Variants in GPC6 observed in about 807,000 individuals in gnomAD.
GPC6 encodes the protein glypican-6.
In GPC6, 14 loss-of-function variants were observed where a neutral mutation model predicts 55.2. That is an observed-to-expected ratio of 0.25 (90% CI 0.17 to 0.40). The LOEUF (loss-of-function observed/expected upper bound fraction) is 0.40, where lower values mean the gene tolerates loss of function less well. GPC6 is among the 10% of genes least tolerant of loss of function. GPC6 has a pLI of 1.00. For synonymous variants in GPC6, 278 were observed against 259.6 expected, an observed-to-expected ratio of 1.07 and a Z score of -0.68; for missense variants, 641 against 708.5, an observed-to-expected ratio of 0.90 and a Z score of 1.08.
chr13:93,717,098 A>G (rs1883276897), intron 2 of GPC6, among the ~76,000 whole-genome samples: 1 of 151,602 alleles, frequency 6.6e-6, no homozygotes. Context: ...AGAATCACCT[A>G]AGGATGCATT....
At chr13:94,156,824 G>C (rs1431897974) in intron 4 of GPC6, among the ~76,000 whole-genome samples, 1 of 152,136 alleles carries the variant, frequency 6.6e-6, no homozygotes, top group African/African-American at 2.4e-5. Context: ...ATATTTTTCT[G>C]GTGCCTCTCA....
intron 1 of GPC6, among the ~76,000 whole-genome samples, chr13:93,457,226 A>G (rs1277996378): frequency 6.6e-6 from 1 of 152,150 alleles, no homozygotes; most frequent in Non-Finnish European, 1.5e-5. Flanking sequence ...TTCTCCCTCT[A>G]TGTGTGTCTG....
intron 4 of GPC6, among the ~76,000 whole-genome samples, chr13:94,247,574 G>A (rs982058160): frequency 2.0e-5 from 3 of 152,020 alleles, no homozygotes; most frequent in Non-Finnish European, 4.4e-5. Context: ...GTTGAACTTT[G>A]TTACATATTT....
chr13:93,711,766 A>G (rs1302757964), intron 2 of GPC6, among the ~76,000 whole-genome samples: 1 of 151,786 alleles, frequency 6.6e-6, no homozygotes, highest in Non-Finnish European at 1.5e-5. Context: ...TACTGGCAGG[A>G]CATCTTCCTT....
At chr13:94,247,773 T>C (rs1371837930) in intron 4 of GPC6, among the ~76,000 whole-genome samples, 4 of 152,158 alleles carry the variant, frequency 2.6e-5, no homozygotes, top group African/African-American at 9.6e-5. Context: ...TGAGAATTTT[T>C]GTATCAGTGC....
At chr13:94,194,871 GTGTT>G (rs1256150916) in intron 4 of GPC6, among the ~76,000 whole-genome samples, 1 of 151,988 alleles carries the variant, frequency 6.6e-6, no homozygotes, top group Non-Finnish European at 1.5e-5. Context: ...ATGTGTGTGT[GTGTT>G]TGTGTGTGTG....
chr13:93,781,267 T>G (rs1265530011), intron 2 of GPC6, among the ~76,000 whole-genome samples: 10 of 134,574 alleles, frequency 7.4e-5, no homozygotes, highest in Non-Finnish European at 1.1e-4. Context: ...AGAGTGAGAC[T>G]CCATCTCCGA....
chr13:94,230,233 A>C (rs1890681121), intron 4 of GPC6, among the ~76,000 whole-genome samples: 1 of 152,120 alleles, frequency 6.6e-6, no homozygotes, highest in Non-Finnish European at 1.5e-5. Context: ...GGAATTCTGG[A>C]ACTGCTCTTC....
At chr13:93,692,441 G>A (rs1882291923) in intron 2 of GPC6, among the ~76,000 whole-genome samples, 1 of 152,004 alleles carries the variant, frequency 6.6e-6, no homozygotes, top group Admixed American at 6.6e-5. Context: ...CAGTTACATT[G>A]ACAATGAAAT....
chr13:93,570,275 T>C (rs1013434412), intron 2 of GPC6, among the ~76,000 whole-genome samples: 2 of 152,332 alleles, frequency 1.3e-5, no homozygotes, highest in Admixed American at 6.5e-5. Context: ...GTTAAATGTA[T>C]GCACATGAAT....
intron 3 of GPC6, among the ~76,000 whole-genome samples, chr13:93,836,648 A>G (rs1270930932): frequency 3.3e-5 from 5 of 152,180 alleles, no homozygotes; most frequent in African/African-American, 1.2e-4. Flanking sequence ...ACAACTTTTA[A>G]ATCAGCATAA....
chr13:94,106,361 T>C (rs1886054327), intron 4 of GPC6, among the ~76,000 whole-genome samples: 1 of 152,222 alleles, frequency 6.6e-6, no homozygotes, highest in African/African-American at 2.4e-5. Flanking sequence ...AAAGTTTCTC[T>C]ACATTATGAA....
rs145449614 is a variant in GPC6, at chr13:94,060,779, T to C, written c.877+32885T>C. 3.7e-3 allele frequency among the ~76,000 whole-genome samples: 564 copies of C among 152,278 alleles called. 6 individuals are homozygous for C. Among genetic ancestry groups the C allele is most frequent in the African/African-American group, 0.012 (496 of 41,556 alleles). On this transcript the variant is annotated intron_variant, in intron 4 of 8. Coordinates refer to ENST00000377047, the MANE Select transcript of GPC6 (RefSeq NM_005708.5). ...AAAGCCTAATATTTAGGGGTAATAA[T>C]AGAGTCAAGTGTCTTCCTGGGAGTG... is the stretch of plus-strand genomic sequence containing the variant.
Position 93,550,373 on chromosome 13 carries a change from G to A in GPC6, c.319+4952G>A, listed in dbSNP as rs183291607. On this transcript the variant is annotated intron_variant, in intron 2 of 8. Transcript: ENST00000377047. Reference sequence around the variant, plus strand: ...TGAAGTTTTTTGTTTATGTGTTCTTGGTCTTATTATTTTACTTTCCTTCCT... The same window carrying A: ...TGAAGTTTTTTGTTTATGTGTTCTTAGTCTTATTATTTTACTTTCCTTCCT... Among the ~76,000 whole-genome samples, 390 of 151,938 alleles carry A rather than the reference G, an allele frequency of 2.6e-3. 1 individual carries two copies. Among genetic ancestry groups the A allele is most frequent in the African/African-American group, 9.1e-3 (377 of 41,468 alleles).
At chr13:94,005,694 G>C (rs1881989757) in intron 3 of GPC6, among the ~76,000 whole-genome samples, 1 of 152,102 alleles carries the variant, frequency 6.6e-6, no homozygotes, top group South Asian at 2.1e-4. Context: ...ATTCTAAAGT[G>C]TTGGCCAAAA....
chr13:93,794,422 A>G (rs1192023376), intron 2 of GPC6, among the ~76,000 whole-genome samples: 1 of 152,212 alleles, frequency 6.6e-6, no homozygotes, highest in African/African-American at 2.4e-5. Context: ...ATTCTGACCA[A>G]GTTTGAGAAT....
At chr13:94,396,273 G>A (rs1880893685) in intron 7 of GPC6, among the ~76,000 whole-genome samples, 1 of 152,188 alleles carries the variant, frequency 6.6e-6, no homozygotes, top group Non-Finnish European at 1.5e-5. Flanking sequence ...CCAGGACACA[G>A]ACAAATATAG....
At chr13:93,268,576 C>T (rs1413899861) in intron 1 of GPC6, among the ~76,000 whole-genome samples, 1 of 151,960 alleles carries the variant, frequency 6.6e-6, no homozygotes, top group African/African-American at 2.4e-5. Flanking sequence ...GACCAATTCT[C>T]GGTGAATTTA....
chr13:93,686,410 A>G (rs1882047436), intron 2 of GPC6, among the ~76,000 whole-genome samples: 1 of 152,066 alleles, frequency 6.6e-6, no homozygotes, highest in African/African-American at 2.4e-5. Context: ...CTGTCTTGAG[A>G]TTAAGGGTGT....
Sources: allele counts gnomAD v4.1 joint callset (sites outside exome capture counted in the v4.1 genomes callset), GRCh38; gene constraint gnomAD v4.1.1; transcripts MANE v1.5; gene names NCBI Gene and HGNC (gene_info 2026-07-23, HGNC 2026-07-21).